The following SMARCB1 variants were observed in gnomAD, a reference collection of about 807,000 sequenced individuals.
The protein encoded by SMARCB1 is SWI/SNF related BAF chromatin remodeling complex subunit B1.
Under a neutral mutation model 49.0 loss-of-function variants are expected in SMARCB1, and 5 were observed. The observed-to-expected ratio is 0.10, with a 90% confidence interval of 0.05 to 0.21. The LOEUF (loss-of-function observed/expected upper bound fraction) is 0.21, where lower values mean the gene tolerates loss of function less well. SMARCB1 is among the 10% of genes least tolerant of loss of function. SMARCB1 has a pLI of 1.00. For synonymous variants in SMARCB1, 201 were observed against 200.1 expected, an observed-to-expected ratio of 1.00 and a Z score of -0.04; for missense variants, 226 against 509.2, an observed-to-expected ratio of 0.44 and a Z score of 5.35.
intron 3 of SMARCB1, among the ~76,000 whole-genome samples, chr22:23,796,232 T>C (rs1269474230): frequency 6.6e-6 from 1 of 152,066 alleles, no homozygotes; most frequent in East Asian, 1.9e-4. Context: ...TGTACAGAGA[T>C]TCTCTGTAGC....
intron 5 of SMARCB1, 51 bp downstream of exon 5, chr22:23,803,473 C>T (rs775361848): frequency 3.7e-5 from 59 of 1,607,828 alleles, no homozygotes; most frequent in Non-Finnish European, 4.8e-5. Context: ...CTGTGTGTTA[C>T]GTGGGAACAG....
At position 23,837,766 on chromosome 22, in the gene SMARCB1, AC is replaced by A; in HGVS notation, c.*3589del. ...GAGCAGGCCGAAGAAGTTGACCCTC[AC>A]CCGAGGGCTGCGGCGGCTCCACACG... On this transcript the variant is annotated 3_prime_UTR_variant, in exon 9 of 9. Coordinates refer to ENST00000644036, the MANE Select transcript of SMARCB1 (RefSeq NM_003073.5). The A allele has an allele frequency of 1.9e-6, 3 of 1,613,938 alleles. No individual in the cohort carries two copies. The highest frequency in any genetic ancestry group is 2.5e-6 in the Non-Finnish European group (3 of 1,179,990).
intron 5 of SMARCB1, among the ~76,000 whole-genome samples, chr22:23,812,779 A>AT (rs1929959889): frequency 6.6e-6 from 1 of 152,096 alleles, no homozygotes; most frequent in Non-Finnish European, 1.5e-5. Context: ...TCAACACCTG[A>AT]TGATAAAAAT....
At chr22:23,821,706 C>T (rs529180563) in intron 6 of SMARCB1, among the ~76,000 whole-genome samples, 3 of 151,796 alleles carry the variant, frequency 2.0e-5, no homozygotes, top group East Asian at 1.9e-4. Context: ...AAAAAATTAG[C>T]TGGGCGTGGT....
At chr22:23,800,741 A>ACCCTTG (rs1342314308) in intron 3 of SMARCB1, among the ~76,000 whole-genome samples, 13 of 151,954 alleles carry the variant, frequency 8.6e-5, no homozygotes, top group African/African-American at 1.5e-4. Context: ...GCCCCTACGT[A>ACCCTTG]CCCTTGCCCT....
intron 6 of SMARCB1, among the ~76,000 whole-genome samples, chr22:23,820,763 G>A (rs2030042003): frequency 6.6e-6 from 1 of 152,212 alleles, no homozygotes; most frequent in Non-Finnish European, 1.5e-5. Context: ...TAGGAGAGAA[G>A]TGGGGTGGGG....
Position 23,827,157 on chromosome 22 carries a change from C to G in SMARCB1, c.986+1742C>G, listed in dbSNP as rs140597548. On this transcript the variant is annotated intron_variant, in intron 7 of 8. Coordinates refer to ENST00000644036, the MANE Select transcript of SMARCB1 (RefSeq NM_003073.5). ...CTCCTCCCGCAGAGGCTGATCCAGT[C>G]AGAACCCTCGTCTTGGGCTCACAGG... Among the ~76,000 whole-genome samples the G allele has an allele frequency of 7.9e-5, 12 of 152,346 alleles. No homozygotes were observed. The East Asian group carries it at 2.1e-3, about 27-fold the overall frequency.
At chr22:23,807,856 A>G (rs1235319990) in intron 5 of SMARCB1, among the ~76,000 whole-genome samples, 2 of 141,752 alleles carry the variant, frequency 1.4e-5, no homozygotes, top group Admixed American at 7.4e-5. Context: ...GTGCAGTGGC[A>G]TGATCTCGGC....
At chr22:23,797,196 C>T (rs1241133189) in intron 3 of SMARCB1, among the ~76,000 whole-genome samples, 1 of 149,000 alleles carries the variant, frequency 6.7e-6, no homozygotes, top group African/African-American at 2.5e-5. Flanking sequence ...GACGGGGTTT[C>T]ACCGTGTTAG....
intron 1 of SMARCB1, among the ~76,000 whole-genome samples, chr22:23,789,336 A>C (rs748920428): frequency 6.6e-6 from 1 of 152,238 alleles, no homozygotes; most frequent in Admixed American, 6.5e-5. Flanking sequence ...AAAGGTGTCA[A>C]ATTTCAGCCT....
rs150082167 is a variant in SMARCB1 at position 23,810,609 on chromosome 22, T to C, written c.629-6161T>C. ...CATCAGGAAGGAACAAAAGAAAGCA[T>C]GATAAGAAAAAATGTAGATAAATAA... is the stretch of plus-strand genomic sequence containing the variant. On this transcript the variant is annotated intron_variant, in intron 5 of 8. Coordinates refer to ENST00000644036, the MANE Select transcript of SMARCB1 (RefSeq NM_003073.5). 5.4e-5 allele frequency among the ~76,000 whole-genome samples: 8 copies of C among 148,654 alleles called. No individual in the cohort carries two copies. The East Asian group carries it at 1.6e-3, about 29-fold the overall frequency.
At chr22:23,834,091 C>T (rs779150642) in intron 8 of SMARCB1, 50 bp from the exon 9 acceptor site, 1 of 1,552,070 alleles carries the variant, frequency 6.4e-7, no homozygotes, top group Non-Finnish European at 8.7e-7. Context: ...AGGGCAGCGC[C>T]CAGGCTGGGA....
rs2031151807 is a variant in SMARCB1 at position 23,837,357 on chromosome 22, G to C, written c.*3177G>C. ...GGCCCAGAAGCAGGCAGGACCCAGG[G>C]AGGGGAGGGCCTGAGAATAGTGGAG... is the stretch of plus-strand genomic sequence containing the variant. On this transcript the variant is annotated 3_prime_UTR_variant, in exon 9 of 9. Coordinates refer to ENST00000644036, the MANE Select transcript of SMARCB1 (RefSeq NM_003073.5). 5 of 714,450 alleles carry C rather than the reference G, an allele frequency of 7.0e-6. No homozygotes were observed. Among genetic ancestry groups the C allele is most frequent in the Non-Finnish European group, 1.2e-5 (5 of 434,230 alleles). The allele number at this position is 714,450 out of a possible 1,614,324, so 44.3% of individuals were successfully genotyped here. A position where few individuals can be genotyped will look rare whatever the true frequency, so the allele number is the denominator to read the frequency against.
rs78742012 is a variant in SMARCB1, at chr22:23,837,603, C to T, written c.*3423C>T. On this transcript the variant is annotated 3_prime_UTR_variant, in exon 9 of 9. Transcript: ENST00000644036. ...GAGAGGGGCCCCAGGGCATAAGCAG[C>T]GTGTCCTGAGGGGAGTGGCCAGCCT... 1.8e-5 allele frequency: 28 copies of T among 1,556,290 alleles called. No individual in the cohort carries two copies. The highest frequency in any genetic ancestry group is 8.2e-5 in the African/African-American group (6 of 73,550).
intron 5 of SMARCB1, among the ~76,000 whole-genome samples, chr22:23,804,969 C>T (rs1412371134): frequency 6.6e-6 from 1 of 152,228 alleles, no homozygotes; most frequent in Non-Finnish European, 1.5e-5. Flanking sequence ...ATTTTTCTCT[C>T]AGAAGGGATT....
chr22:23,809,875 G>T (rs557518453), intron 5 of SMARCB1, among the ~76,000 whole-genome samples: 3 of 151,872 alleles, frequency 2.0e-5, no homozygotes, highest in African/African-American at 7.2e-5. Context: ...ATTCTTAGAT[G>T]AAAGAAAACT....
Position 23,827,668 on chromosome 22 carries a change from G to T in SMARCB1, c.986+2253G>T, listed in dbSNP as rs539919823. 2.3e-3 allele frequency among the ~76,000 whole-genome samples: 343 copies of T among 152,294 alleles called. 2 individuals are homozygous for T. Among genetic ancestry groups the T allele is most frequent in the African/African-American group, 8.0e-3 (331 of 41,554 alleles). ...GTGAGCACACGTCCCTATCACAGCA[G>T]CCAGATGGAGAGGCGGCCTGCCTGG... On this transcript the variant is annotated intron_variant, in intron 7 of 8. Coordinates refer to ENST00000644036, the MANE Select transcript of SMARCB1 (RefSeq NM_003073.5).
At chr22:23,800,421 T>C (rs1242025013) in intron 3 of SMARCB1, among the ~76,000 whole-genome samples, 2 of 152,188 alleles carry the variant, frequency 1.3e-5, no homozygotes, top group African/African-American at 4.8e-5. Context: ...AGCCTGATCA[T>C]GTCTCTTCCT....
chr22:23,814,985 AAG>A (rs1930101416), intron 5 of SMARCB1: 1 of 152,134 alleles, frequency 6.6e-6, no homozygotes, highest in African/African-American at 2.4e-5. Flanking sequence ...AAAAAAAAAA[AAG>A]GCAAAAGACA....
Sources: allele counts gnomAD v4.1 joint callset (sites outside exome capture counted in the v4.1 genomes callset), GRCh38; gene constraint gnomAD v4.1.1; transcripts MANE v1.5; gene names NCBI Gene and HGNC (gene_info 2026-07-23, HGNC 2026-07-21).